RICTOR: variants seen among roughly 807,000 people sequenced by gnomAD.
RICTOR encodes the protein RPTOR independent companion of MTOR complex 2.
In RICTOR, 49 loss-of-function variants were observed where a neutral mutation model predicts 214.9. That is an observed-to-expected ratio of 0.23 (90% CI 0.18 to 0.29). The LOEUF (loss-of-function observed/expected upper bound fraction) is 0.29. Among genes scored for constraint, RICTOR ranks in the 10% least tolerant of loss-of-function variants. The probability of loss-of-function intolerance (pLI) is 1.00; values close to 1 mark genes in which losing one functional copy is unlikely to be tolerated. For missense variants in RICTOR, 1,625 were observed against 2,047.0 expected, an observed-to-expected ratio of 0.79 and a Z score of 3.98; for synonymous variants, 717 against 711.3, an observed-to-expected ratio of 1.01 and a Z score of -0.13.
At chr5:38,958,874 G>A (rs377109336) in intron 22 of RICTOR, 43 bp from the exon 23 acceptor site, 1 of 1,264,342 alleles carries the variant, frequency 7.9e-7, no homozygotes, top group African/African-American at 1.6e-5. Flanking sequence ...AAAAACTTCA[G>A]CATAAATAGC....
At chr5:39,030,510 G>A (rs1756195853) in intron 2 of RICTOR, among the ~76,000 whole-genome samples, 1 of 152,000 alleles carries the variant, frequency 6.6e-6, no homozygotes, top group East Asian at 1.9e-4. Flanking sequence ...CAGTAGTTTG[G>A]ATGAGATGTC....
intron 2 of RICTOR, among the ~76,000 whole-genome samples, chr5:39,032,292 T>C (rs1756332808): frequency 6.6e-6 from 1 of 152,186 alleles, no homozygotes. Flanking sequence ...AATAACCATG[T>C]TTCCTCTCAA....
In RICTOR at chr5:38,975,522, T is replaced by C. The variant is rs967398834; in HGVS notation, c.889+15A>G. The C allele has an allele frequency of 1.3e-6, 2 of 1,587,812 alleles. No homozygotes were observed. Among genetic ancestry groups the C allele is most frequent in the East Asian group, 2.2e-5 (1 of 44,740 alleles). ...TTTCTTCTTGGATGTTATAAAGCAA[T>C]GTAGAGTAACCTACCTGCCCATGAT... On this transcript the variant is annotated intron_variant, in intron 10 of 37. Transcript: ENST00000357387.
At chr5:39,048,619 T>C (rs946179408) in intron 2 of RICTOR, among the ~76,000 whole-genome samples, 4 of 152,218 alleles carry the variant, frequency 2.6e-5, no homozygotes, top group African/African-American at 4.8e-5. Context: ...AGATTCTAGA[T>C]GCTTGTGCTG....
At chr5:39,070,843 G>T (rs767847784) in intron 2 of RICTOR, among the ~76,000 whole-genome samples, 17 of 152,094 alleles carry the variant, frequency 1.1e-4, no homozygotes, top group Middle Eastern at 3.2e-3. Flanking sequence ...AAGCATTTGG[G>T]CTTCAAAATA....
chr5:39,018,701 G>GTCTC (rs1228431684), intron 3 of RICTOR, among the ~76,000 whole-genome samples: 1 of 151,982 alleles, frequency 6.6e-6, no homozygotes, highest in Non-Finnish European at 1.5e-5. Context: ...AGCTGTTCTT[G>GTCTC]TCTCTCCCTC....
chr5:38,945,514 A>C lies in RICTOR; in HGVS notation c.4610T>G (p.Leu1537Arg), dbSNP rs753524278. ...ACCTGAATGACTACATATTGCACTCAGTTGGTTGCTGGGCTGGAAACCCAG... is the reference window on the plus strand; with the variant it reads ...ACCTGAATGACTACATATTGCACTCCGTTGGTTGCTGGGCTGGAAACCCAG... ...EILGFQPSNQ[L>R]SAICSHSDFQ... Residue 1537 changes from leucine (L) to arginine (R), a missense_variant, in exon 34 of 38, where the codon CTG (leucine) becomes CGG (arginine). By Grantham distance (102) the Leu-to-Arg change is moderately radical. Coordinates refer to ENST00000357387, the MANE Select transcript of RICTOR (RefSeq NM_152756.5). The C allele has an allele frequency of 6.1e-5, 98 of 1,612,998 alleles. 1 individual carries two copies. The East Asian group carries it at 2.1e-3, about 34-fold the overall frequency.
At chr5:38,975,722 AAT>A in intron 9 of RICTOR, 118 bp from the exon 10 acceptor site, 3 of 531,862 alleles carry the variant, frequency 5.6e-6, no homozygotes, top group South Asian at 3.5e-5. Context: ...TTACACATAA[AAT>A]TAAAACAAGA....
rs117684172 is a variant in RICTOR at position 39,018,011 on chromosome 5, T to A, written c.195+3028A>T. On this transcript the variant is annotated intron_variant, in intron 3 of 37. Transcript: ENST00000357387. The stretch of plus-strand genomic sequence containing the variant: ...AGCAAGGGATTAAACATAAAATGAT[T>A]CTTTCATTAAAAACAATTTATATTT... 6.9e-3 allele frequency among the ~76,000 whole-genome samples: 1,052 copies of A among 152,268 alleles called. 52 individuals are homozygous for A. The East Asian group carries it at 0.12, about 17-fold the overall frequency.
At chr5:39,028,323 C>T (rs1008286016) in intron 2 of RICTOR, among the ~76,000 whole-genome samples, 5 of 151,092 alleles carry the variant, frequency 3.3e-5, no homozygotes, top group African/African-American at 4.9e-5. Flanking sequence ...GCTGGGACTA[C>T]AGGTGCCCGC....
intron 19 of RICTOR, 67 bp downstream of exon 19, chr5:38,962,248 G>T: frequency 1.5e-6 from 1 of 655,546 alleles, no homozygotes; most frequent in Non-Finnish European, 2.6e-6. Context: ...ACATATTTTA[G>T]CAGGTATTAG....
intron 2 of RICTOR, among the ~76,000 whole-genome samples, chr5:39,071,286 T>C (rs1759304999): frequency 2.0e-5 from 3 of 152,210 alleles, no homozygotes; most frequent in Admixed American, 1.3e-4. Flanking sequence ...TGCTTTACAA[T>C]TGTTATATTC....
chr5:39,061,816 T>C (rs577680979), intron 2 of RICTOR, among the ~76,000 whole-genome samples: 7 of 152,048 alleles, frequency 4.6e-5, no homozygotes, highest in Non-Finnish European at 1.0e-4. Flanking sequence ...ACCAGAATCT[T>C]TTCAAATATA....
chr5:38,938,602 A>G lies in RICTOR; in HGVS notation c.*3702T>C, dbSNP rs910533378. 7 of 232,772 alleles carry G rather than the reference A, an allele frequency of 3.0e-5. No homozygotes were observed. The highest frequency in any genetic ancestry group is 1.5e-4 in the African/African-American group (7 of 45,342). The allele number at this position is 232,772 out of a possible 1,614,324, so 14.4% of individuals were successfully genotyped here. ...TACAAAAATACTCCAAACAGGAAAA[A>G]AGTCCACATTCTGTGAGTCATATAA... On this transcript the variant is annotated 3_prime_UTR_variant, in exon 38 of 38. Transcript: ENST00000357387.
At chr5:39,064,809 T>C (rs1043792572) in intron 2 of RICTOR, among the ~76,000 whole-genome samples, 1 of 152,248 alleles carries the variant, frequency 6.6e-6, no homozygotes, top group African/African-American at 2.4e-5. Flanking sequence ...CTACAAATGC[T>C]TTCTTTTTAA....
chr5:38,950,594 A>C lies in RICTOR; in HGVS notation c.3254T>G (p.Phe1085Cys). The C allele has an allele frequency of 6.2e-7, 1 of 1,613,258 alleles. No individual in the cohort carries two copies. The highest frequency in any genetic ancestry group is 8.5e-7 in the Non-Finnish European group (1 of 1,179,436). Residue 1085 changes from phenylalanine (F) to cysteine (C), a missense_variant, in exon 31 of 38, where the codon TTC becomes TGC. Coordinates refer to ENST00000357387, the MANE Select transcript of RICTOR (RefSeq NM_152756.5). ...AAGTTTACTAGAAGCAAAGAAAGGGAATGAATTTTTATCCTTTATGGGTCC... is the reference window on the plus strand; with the variant it reads ...AAGTTTACTAGAAGCAAAGAAAGGGCATGAATTTTTATCCTTTATGGGTCC... Reference protein sequence around the residue: ...RSGPIKDKNSFPFFASSKLVK... With the variant: ...RSGPIKDKNSCPFFASSKLVK...
intron 11 of RICTOR, 94 bp downstream of exon 11, chr5:38,971,783 A>G (rs1750808563): frequency 4.6e-6 from 3 of 657,196 alleles, no homozygotes; most frequent in Non-Finnish European, 8.1e-6. Context: ...ACAACTAATG[A>G]GGAAAACACA....
intron 3 of RICTOR, among the ~76,000 whole-genome samples, chr5:39,012,243 C>A (rs1754583619): frequency 6.6e-6 from 1 of 152,124 alleles, no homozygotes; most frequent in African/African-American, 2.4e-5. Flanking sequence ...AGAGAACTAT[C>A]AGTGGTTTTA....
chr5:39,034,813 C>T (rs1160145063), intron 2 of RICTOR, among the ~76,000 whole-genome samples: 1 of 152,232 alleles, frequency 6.6e-6, no homozygotes, highest in African/African-American at 2.4e-5. Flanking sequence ...AACAAAGCAG[C>T]CCAGAAGCTC....
Sources: allele counts gnomAD v4.1 joint callset (sites outside exome capture counted in the v4.1 genomes callset), GRCh38; gene constraint gnomAD v4.1.1; transcripts MANE v1.5; gene names NCBI Gene and HGNC (gene_info 2026-07-23, HGNC 2026-07-21).